The following MBOAT1 variants were observed in gnomAD, a reference collection of about 807,000 sequenced individuals.
MBOAT1 encodes the protein membrane-bound glycerophospholipid O-acyltransferase 1.
A neutral mutation model predicts 64.4 loss-of-function variants in MBOAT1; 67 were observed. The ratio of observed to expected loss-of-function variants is 1.04; its 90% confidence interval spans 0.85 to 1.27. MBOAT1 has a LOEUF of 1.27. MBOAT1 is among the 50% of genes most tolerant of loss of function. The pLI is 0.00. For missense variants in MBOAT1, 563 were observed against 604.6 expected (o/e 0.93, Z 0.72); for synonymous variants, 229 against 218.9 (o/e 1.05, Z -0.41).
intron 2 of MBOAT1, among the ~76,000 whole-genome samples, chr6:20,152,308 C>T (rs1354283642): frequency 1.4e-5 from 2 of 148,058 alleles, no homozygotes; most frequent in Non-Finnish European, 3.0e-5. Context: ...GCCTGGGCGA[C>T]AGAGCGAGAC....
At chr6:20,197,641 G>C (rs958685334) in intron 1 of MBOAT1, among the ~76,000 whole-genome samples, 1 of 152,278 alleles carries the variant, frequency 6.6e-6, no homozygotes, top group African/African-American at 2.4e-5. Flanking sequence ...CCCCTCCCCT[G>C]CTTTGAGTTG....
intron 1 of MBOAT1, among the ~76,000 whole-genome samples, chr6:20,194,246 C>T (rs367863211): frequency 6.6e-5 from 10 of 152,300 alleles, no homozygotes; most frequent in African/African-American, 2.4e-4. Context: ...CTATTATTAA[C>T]ATCTTCCATT....
chr6:20,209,034 C>A (rs1261100440), intron 1 of MBOAT1, among the ~76,000 whole-genome samples: 3 of 152,182 alleles, frequency 2.0e-5, no homozygotes, highest in Non-Finnish European at 4.4e-5. Flanking sequence ...AGGACAGGAG[C>A]AGATGATTCC....
chr6:20,103,420 TTTG>T (rs1171990365), intron 12 of MBOAT1, among the ~76,000 whole-genome samples: 2 of 118,514 alleles, frequency 1.7e-5, no homozygotes, highest in Non-Finnish European at 3.7e-5. Flanking sequence ...GTTTTGGTTT[TTTG>T]TTTGTTTGTT....
At chr6:20,186,752 C>T (rs112507840) in intron 1 of MBOAT1, among the ~76,000 whole-genome samples, 37 of 152,290 alleles carry the variant, frequency 2.4e-4, no homozygotes, top group African/African-American at 8.4e-4. Flanking sequence ...AGAGAGACAA[C>T]GTGTACTTCT....
chr6:20,164,453 T>C (rs1761957005), intron 1 of MBOAT1, among the ~76,000 whole-genome samples: 1 of 152,180 alleles, frequency 6.6e-6, no homozygotes, highest in Admixed American at 6.5e-5. Flanking sequence ...CTATAAAGCT[T>C]CACAAGTATT....
intron 1 of MBOAT1, among the ~76,000 whole-genome samples, chr6:20,182,156 CA>C (rs899597589): frequency 1.7e-4 from 26 of 152,184 alleles, no homozygotes; most frequent in African/African-American, 6.0e-4. Flanking sequence ...GCTGCTATAA[CA>C]AAATACCTTA....
At chr6:20,104,605 A>G (rs998898528) in intron 12 of MBOAT1, among the ~76,000 whole-genome samples, 26 of 152,362 alleles carry the variant, frequency 1.7e-4, no homozygotes, top group African/African-American at 6.3e-4. Flanking sequence ...GGAAAGGTTC[A>G]ACTTATACTT....
At chr6:20,123,538 T>C (rs1004101768) in intron 8 of MBOAT1, among the ~76,000 whole-genome samples, 5 of 151,158 alleles carry the variant, frequency 3.3e-5, no homozygotes, top group East Asian at 1.9e-4. Flanking sequence ...AAGCTTAATA[T>C]AGACCAAGTT....
At chr6:20,166,457 G>A (rs1762017160) in intron 1 of MBOAT1, among the ~76,000 whole-genome samples, 1 of 152,092 alleles carries the variant, frequency 6.6e-6, no homozygotes, top group African/African-American at 2.4e-5. Context: ...ATTGAGAAGA[G>A]ACACTGAGCA....
rs1290445379 is a variant in MBOAT1, at chr6:20,156,050, C to T, written c.100-3281G>A. On this transcript the variant is annotated intron_variant, in intron 1 of 12. Coordinates refer to ENST00000324607, the MANE Select transcript of MBOAT1 (RefSeq NM_001080480.3). ...TTGGGAGGCCGAGGCGGGCAGATCA[C>T]GAGGTCAGGAGATGGAGACCATCCT... 5.3e-5 allele frequency among the ~76,000 whole-genome samples: 8 copies of T among 152,034 alleles called. No homozygotes were observed. The East Asian group carries it at 1.6e-3, about 29-fold the overall frequency.
chr6:20,153,255 C>T lies in MBOAT1; in HGVS notation c.100-486G>A, dbSNP rs9356722. On this transcript the variant is annotated intron_variant, in intron 1 of 12. Transcript: ENST00000324607. The stretch of plus-strand genomic sequence containing the variant: ...TAACAGAACAAGAAAACTATACCCT[C>T]GTGTGGTATAAGATGTGACAAACCC... 3.5e-3 allele frequency among the ~76,000 whole-genome samples: 538 copies of T among 152,304 alleles called. 26 individuals carry two copies. In the East Asian group the frequency reaches 0.1, roughly 28 times the overall value.
intron 3 of MBOAT1, among the ~76,000 whole-genome samples, chr6:20,149,790 C>T (rs192682464): frequency 2.0e-5 from 3 of 152,146 alleles, no homozygotes; most frequent in African/African-American, 4.8e-5. Flanking sequence ...AAAGATCATA[C>T]AGTGAAAAGT....
intron 1 of MBOAT1, among the ~76,000 whole-genome samples, chr6:20,199,440 A>G (rs1763057053): frequency 6.6e-6 from 1 of 152,220 alleles, no homozygotes. Flanking sequence ...TAAGTTTTGC[A>G]CCATAGTAAA....
chr6:20,174,800 C>G (rs1199266481), intron 1 of MBOAT1, among the ~76,000 whole-genome samples: 1 of 152,176 alleles, frequency 6.6e-6, no homozygotes, highest in East Asian at 1.9e-4. Flanking sequence ...GAAAACAGTT[C>G]CATTCACAGG....
In MBOAT1 at chr6:20,208,303, G is replaced by A. The variant is rs182526400; in HGVS notation, c.99+3833C>T. 3.4e-3 allele frequency among the ~76,000 whole-genome samples: 514 copies of A among 152,014 alleles called. 3 individuals are homozygous for A. The highest frequency in any genetic ancestry group is 0.012 in the African/African-American group (490 of 41,476). On this transcript the variant is annotated intron_variant, in intron 1 of 12. Transcript: ENST00000324607. ...TCTACTAAAAATACAAAAATTAGCC[G>A]GGTATGGTGGCGCGCTCCAGTAATC...
At chr6:20,170,830 C>T (rs2113725218) in intron 1 of MBOAT1, among the ~76,000 whole-genome samples, 1 of 152,294 alleles carries the variant, frequency 6.6e-6, no homozygotes, top group African/African-American at 2.4e-5. Flanking sequence ...AAGGCGGAAA[C>T]CATGTCTATC....
intron 3 of MBOAT1, among the ~76,000 whole-genome samples, chr6:20,149,646 AG>A (rs1761431443): frequency 6.6e-6 from 1 of 152,198 alleles, no homozygotes; most frequent in African/African-American, 2.4e-5. Flanking sequence ...CCCTTCAAGC[AG>A]GGCACTGAGA....
In MBOAT1 at chr6:20,101,422, T is replaced by C. The variant is rs939524542; in HGVS notation, c.*864A>G. Among the ~76,000 whole-genome samples the C allele has an allele frequency of 5.3e-5, 8 of 152,188 alleles. No individual in the cohort carries two copies. Among genetic ancestry groups the C allele is most frequent in the Non-Finnish European group, 1.0e-4 (7 of 68,038 alleles). ...ACTTTCAGTCCATGCACTAGTCCTC[T>C]TGGCTCGTAGAGTTTTCAGTGCCCT... On this transcript the variant is annotated 3_prime_UTR_variant, in exon 13 of 13. Coordinates refer to ENST00000324607, the MANE Select transcript of MBOAT1 (RefSeq NM_001080480.3).
Sources: allele counts gnomAD v4.1 joint callset (sites outside exome capture counted in the v4.1 genomes callset), GRCh38; gene constraint gnomAD v4.1.1; transcripts MANE v1.5; gene names NCBI Gene and HGNC (gene_info 2026-07-23, HGNC 2026-07-21).